Variants in HLA-DRA observed in about 807,000 individuals in gnomAD.
HLA-DRA encodes the protein HLA class II histocompatibility antigen, DR alpha chain.
In HLA-DRA, 8 loss-of-function variants were observed where a neutral mutation model predicts 22.1. That is an observed-to-expected ratio of 0.36 (90% confidence interval 0.21 to 0.65). HLA-DRA has a LOEUF of 0.65. Ranked by LOEUF, HLA-DRA falls within the 30% of genes least tolerant of loss-of-function variation. The pLI is 0.63. For synonymous variants in HLA-DRA, 101 were observed against 117.1 expected (o/e 0.86, Z 0.89); for missense variants, 248 against 321.3 (o/e 0.77, Z 1.74).
At chr6:32,441,483 T>C (rs943405435) in intron 1 of HLA-DRA, among the ~76,000 whole-genome samples, 2 of 152,270 alleles carry the variant, frequency 1.3e-5, no homozygotes, top group Non-Finnish European at 2.9e-5. Flanking sequence ...CTTTCTCTTT[T>C]CATGTTCATT....
At position 32,443,740 on chromosome 6, in the gene HLA-DRA, C is replaced by A. The variant is rs374588694; in HGVS notation, c.611-16C>A. On this transcript the variant is annotated splice_polypyrimidine_tract_variant and intron_variant, in intron 3 of 4. Coordinates refer to ENST00000395388, the MANE Select transcript of HLA-DRA (RefSeq NM_019111.5). ...CCCACACTCATTACCATGTACTCTG[C>A]CTTATTTCCCCCCAGAGTTTGATGC... The A allele has an allele frequency of 1.9e-6, 3 of 1,565,604 alleles. No individual in the cohort carries two copies. Among genetic ancestry groups the A allele is most frequent in the Non-Finnish European group, 2.6e-6 (3 of 1,158,116 alleles).
At chr6:32,440,061 C>T (rs751711070) in intron 1 of HLA-DRA, 29 bp downstream of exon 1, 3 of 1,553,984 alleles carry the variant, frequency 1.9e-6, no homozygotes, top group South Asian at 1.1e-5. Context: ...AAATCTGGGA[C>T]GATAGACTAC....
chr6:32,443,608 T>A lies in HLA-DRA; in HGVS notation c.610+142T>A, dbSNP rs991037547. ...CTACTATCCAGCTTCCTCCTTTTTT[T>A]AATCTGTAATTCTCTCAATACATCA... On this transcript the variant is annotated intron_variant, in intron 3 of 4. Transcript: ENST00000395388. 30 of 1,137,900 alleles carry A rather than the reference T, an allele frequency of 2.6e-5. No individual in the cohort carries two copies. In the Admixed American group the frequency reaches 3.2e-4, roughly 12 times the overall value. The allele number at this position is 1,137,900 out of a possible 1,614,324, so 70.5% of individuals were successfully genotyped here.
chr6:32,442,121 G>A (rs1158597549), intron 1 of HLA-DRA, among the ~76,000 whole-genome samples: 1 of 152,202 alleles, frequency 6.6e-6, no homozygotes, highest in East Asian at 1.9e-4. Flanking sequence ...AGGGGCTGCT[G>A]CTGGATTTCT....
chr6:32,441,509 G>T (rs115291739), intron 1 of HLA-DRA, among the ~76,000 whole-genome samples: 3,233 of 152,244 alleles, frequency 0.021, 93 homozygotes, highest in East Asian at 0.075. Flanking sequence ...CTTGGTGTTG[G>T]TTATTCTCAA....
At chr6:32,440,863 G>A (rs111930523) in intron 1 of HLA-DRA, among the ~76,000 whole-genome samples, 3 of 152,248 alleles carry the variant, frequency 2.0e-5, no homozygotes, top group Admixed American at 6.5e-5. Flanking sequence ...AATAAGCAAA[G>A]TAATAACCCA....
chr6:32,442,631 C>T lies in HLA-DRA; in HGVS notation c.266C>T (p.Ala89Val). ...FEAQGALANI[A>V]VDKANLEIMT... ...GCTCAAGGTGCATTGGCCAACATAGCTGTGGACAAAGCCAACCTGGAAATC... is the reference window on the plus strand; with the variant it reads ...GCTCAAGGTGCATTGGCCAACATAGTTGTGGACAAAGCCAACCTGGAAATC... Residue 89 changes from alanine to valine, a missense_variant, in exon 2 of 5, where the codon GCT becomes GTT. Physicochemically the swap from Ala to Val is moderately conservative, Grantham distance 64. Coordinates refer to ENST00000395388, the MANE Select transcript of HLA-DRA (RefSeq NM_019111.5). 6.2e-7 allele frequency: 1 copy of T among 1,613,064 alleles called. No individual in the cohort carries two copies. The highest frequency in any genetic ancestry group is 8.5e-7 in the Non-Finnish European group (1 of 1,180,018).
At position 32,443,832 on chromosome 6, in the gene HLA-DRA, G is replaced by A. The variant is rs1762772431; in HGVS notation, c.687G>A (p.Val229=). 1.2e-6 allele frequency: 2 copies of A among 1,612,156 alleles called. No homozygotes were observed. The highest frequency in any genetic ancestry group is 1.6e-4 in the Middle Eastern group (1 of 6,082). The change falls in exon 4 of 5, where the codon GTG becomes GTA. Residue 229 remains valine, a synonymous_variant. Transcript: ENST00000395388. ...VCALGLTVGL[V]GIIIGTIFII... ...CCCTGGGCCTGACTGTGGGTCTGGTGGGCATCATTATTGGGACCATCTTCA... is the reference window on the plus strand; with the variant it reads ...CCCTGGGCCTGACTGTGGGTCTGGTAGGCATCATTATTGGGACCATCTTCA...
intron 1 of HLA-DRA, among the ~76,000 whole-genome samples, chr6:32,441,707 C>T (rs3129881): frequency 0.24 from 36,287 of 152,056 alleles, 4,900 homozygotes; most frequent in Non-Finnish European, 0.29. Flanking sequence ...TTTTGGAGTA[C>T]TTCAGTCCCC....
intron 3 of HLA-DRA, 81 bp from the exon 4 acceptor site, chr6:32,443,675 T>G (rs778808460): frequency 1.3e-5 from 17 of 1,358,222 alleles, no homozygotes; most frequent in Non-Finnish European, 1.6e-5. Context: ...ACTTTTCTCT[T>G]TATTAAGAAC....
chr6:32,443,918 G>A lies in HLA-DRA; in HGVS notation c.*8G>A. The A allele has an allele frequency of 6.3e-7, 1 of 1,583,422 alleles. No individual in the cohort carries two copies. The highest frequency in any genetic ancestry group is 1.2e-5 in the South Asian group (1 of 84,410). On this transcript the variant is annotated 3_prime_UTR_variant, in exon 4 of 5. Coordinates refer to ENST00000395388, the MANE Select transcript of HLA-DRA (RefSeq NM_019111.5). ...CGCAGGGGGCCTCTGTAAGGCACATGGAGGTGAGTTAGGTGTGGTCAGAGG... is the reference window on the plus strand; with the variant it reads ...CGCAGGGGGCCTCTGTAAGGCACATAGAGGTGAGTTAGGTGTGGTCAGAGG...
In HLA-DRA at chr6:32,444,900, T is replaced by C. The variant is rs2150378034; in HGVS notation, c.*260T>C. The stretch of plus-strand genomic sequence containing the variant: ...ATTTCCTATCATTTTATTATCACCA[T>C]GCAATGCCTCTGGAATAAAACATAC... On this transcript the variant is annotated 3_prime_UTR_variant, in exon 5 of 5. Transcript: ENST00000395388. 1 of 154,474 alleles carries C rather than the reference T, an allele frequency of 6.5e-6. No homozygotes were observed. Among genetic ancestry groups the C allele is most frequent in the Middle Eastern group, 5.2e-4 (1 of 1,926 alleles). The allele number at this position is 154,474 out of a possible 1,614,324, so 9.6% of individuals were successfully genotyped here.
chr6:32,443,896 A>C lies in HLA-DRA; in HGVS notation c.751A>C (p.Arg251=), dbSNP rs1762777963. 2.2e-5 allele frequency: 36 copies of C among 1,601,870 alleles called. No homozygotes were observed. Among genetic ancestry groups the C allele is most frequent in the Non-Finnish European group, 2.9e-5 (34 of 1,174,850 alleles). Residue 251 remains arginine, a synonymous_variant, in exon 4 of 5, where the codon AGG becomes CGG. Coordinates refer to ENST00000395388, the MANE Select transcript of HLA-DRA (RefSeq NM_019111.5). ...GCGCAAAAGCAATGCAGCAGAACGC[A>C]GGGGGCCTCTGTAAGGCACATGGAG... The part of the protein sequence containing the change: ...GLRKSNAAER[R]GPL
At position 32,443,512 on chromosome 6, in the gene HLA-DRA, T is replaced by C. The variant is rs371441506; in HGVS notation, c.610+46T>C. On this transcript the variant is annotated intron_variant, in intron 3 of 4. Transcript: ENST00000395388. ...TCCTTTATTTCAAGGTTTCCTCCTA[T>C]GATGCTTGTGTGAAACTCGGTGTTC... 8.7e-5 allele frequency: 134 copies of C among 1,538,988 alleles called. 1 individual carries two copies. Among genetic ancestry groups the C allele is most frequent in the Middle Eastern group, 6.8e-4 (4 of 5,878 alleles).
At chr6:32,440,723 T>G (rs116479312) in intron 1 of HLA-DRA, among the ~76,000 whole-genome samples, 4,022 of 152,236 alleles carry the variant, frequency 0.026, 101 homozygotes, top group African/African-American at 0.056. Flanking sequence ...GAAAAATAAG[T>G]AAGGAAATGG....
chr6:32,443,557 G>A, intron 3 of HLA-DRA, 91 bp downstream of exon 3: 2 of 1,259,022 alleles, frequency 1.6e-6, no homozygotes, highest in Admixed American at 4.0e-5. Flanking sequence ...CATAATATCT[G>A]CTACAATTAA....
intron 3 of HLA-DRA, 98 bp from the exon 4 acceptor site, chr6:32,443,658 A>G (rs1762758192): frequency 7.9e-7 from 1 of 1,270,016 alleles, no homozygotes; most frequent in Admixed American, 2.3e-5. Context: ...TCTTTAATCT[A>G]TGAATAACTT....
At chr6:32,442,278 T>C (rs1215082511) in intron 1 of HLA-DRA, among the ~76,000 whole-genome samples, 170 bp from the exon 2 acceptor site, 1 of 152,190 alleles carries the variant, frequency 6.6e-6, no homozygotes, top group South Asian at 2.1e-4. Context: ...TTCAGCAGCA[T>C]GCCCTTCACC....
At position 32,442,611 on chromosome 6, in the gene HLA-DRA, A is replaced by G. The variant is rs1177981886; in HGVS notation, c.246A>G (p.Gln82=). Residue 82 remains glutamine (Q), a synonymous_variant, in exon 2 of 5, where the codon CAA becomes CAG. Transcript: ENST00000395388. ...EFGRFASFEA[Q]GALANIAVDK... Reference sequence around the variant, plus strand: ...GACGATTTGCCAGCTTTGAGGCTCAAGGTGCATTGGCCAACATAGCTGTGG... The same window carrying G: ...GACGATTTGCCAGCTTTGAGGCTCAGGGTGCATTGGCCAACATAGCTGTGG... 6.2e-7 allele frequency: 1 copy of G among 1,612,986 alleles called. No homozygotes were observed. Among genetic ancestry groups the G allele is most frequent in the African/African-American group, 1.3e-5 (1 of 74,932 alleles).
Sources: allele counts gnomAD v4.1 joint callset (sites outside exome capture counted in the v4.1 genomes callset), GRCh38; gene constraint gnomAD v4.1.1; transcripts MANE v1.5; gene names NCBI Gene and HGNC (gene_info 2026-07-23, HGNC 2026-07-21).